ST7: variants seen among roughly 807,000 people sequenced by gnomAD.
The protein encoded by ST7 is suppression of tumorigenicity 7.
In ST7, 28 loss-of-function variants were observed where a neutral mutation model predicts 78.7. The observed-to-expected ratio is 0.36, with a 90% CI of 0.26 to 0.49. The LOEUF is 0.49. Ranked by LOEUF, ST7 falls within the 20% of genes least tolerant of loss-of-function variation. The pLI is 0.99. For missense variants in ST7, 418 were observed against 696.0 expected, an observed-to-expected ratio of 0.60 and a Z score of 4.49; for synonymous variants, 247 against 249.6, an observed-to-expected ratio of 0.99 and a Z score of 0.10.
intron 1 of ST7, among the ~76,000 whole-genome samples, chr7:117,039,426 T>A (rs1405859951): frequency 6.6e-6 from 1 of 151,952 alleles, no homozygotes; most frequent in Non-Finnish European, 1.5e-5. Flanking sequence ...AATAAAAAAT[T>A]AGCTGAGCAT....
intron 1 of ST7, chr7:116,959,503 A>G: frequency 3.4e-6 from 1 of 291,004 alleles, no homozygotes; most frequent in South Asian, 3.3e-5. Flanking sequence ...CACTGGATGA[A>G]TGAATATCCA....
chr7:117,138,385 C>T lies in ST7; in HGVS notation c.866-50C>T, dbSNP rs75961910. On this transcript the variant is annotated intron_variant, in intron 8 of 15. Coordinates refer to ENST00000323984, the MANE Select transcript of ST7 (RefSeq NM_001369598.1). ...CTTTAGGGGCAAGGCAAATGGGCCT[C>T]TGTATTTTTTTTTTTTTTAAATGTT... 1,955 of 1,226,168 alleles carry T rather than the reference C, an allele frequency of 1.6e-3. 72 individuals are homozygous for T. In the East Asian group the frequency reaches 0.048, roughly 30 times the overall value. 76.0% of individuals were successfully genotyped at this position (1,226,168 alleles called of 1,614,324 possible).
chr7:117,108,497 T>G (rs1169321103), intron 2 of ST7, among the ~76,000 whole-genome samples: 4 of 152,214 alleles, frequency 2.6e-5, no homozygotes, highest in Non-Finnish European at 5.9e-5. Context: ...ACTGTGGCCT[T>G]ATAGTATAGT....
chr7:117,157,146 G>A (rs1278501287), intron 9 of ST7, among the ~76,000 whole-genome samples: 1 of 152,182 alleles, frequency 6.6e-6, no homozygotes, highest in African/African-American at 2.4e-5. Context: ...GAGAATGCTG[G>A]CAGGTGCTGG....
At chr7:117,140,598 A>C (rs1805201027) in intron 9 of ST7, among the ~76,000 whole-genome samples, 1 of 152,036 alleles carries the variant, frequency 6.6e-6, no homozygotes, top group Admixed American at 6.6e-5. Context: ...TTTTTCTTGA[A>C]TGAATTGATC....
intron 12 of ST7, among the ~76,000 whole-genome samples, chr7:117,203,966 A>T (rs1036238906): frequency 6.6e-6 from 1 of 152,228 alleles, no homozygotes; most frequent in African/African-American, 2.4e-5. Context: ...AAAGTAACCG[A>T]TGAACAGAGA....
chr7:117,154,998 A>G (rs1806576557), intron 9 of ST7, among the ~76,000 whole-genome samples: 1 of 152,162 alleles, frequency 6.6e-6, no homozygotes, highest in Non-Finnish European at 1.5e-5. Flanking sequence ...GACAGACAAC[A>G]TCCCTACCAG....
At chr7:117,029,932 A>T (rs925100501) in intron 1 of ST7, among the ~76,000 whole-genome samples, 2 of 152,204 alleles carry the variant, frequency 1.3e-5, no homozygotes, top group Admixed American at 6.5e-5. Flanking sequence ...AATTGTTATT[A>T]CTGTATAGCT....
chr7:117,216,201 G>A (rs1792680544), intron 13 of ST7, among the ~76,000 whole-genome samples: 1 of 152,112 alleles, frequency 6.6e-6, no homozygotes, highest in South Asian at 2.1e-4. Flanking sequence ...TGATTGTGAA[G>A]GCATGATCTG....
intron 2 of ST7, among the ~76,000 whole-genome samples, chr7:117,114,545 C>T (rs1802697936): frequency 1.3e-5 from 2 of 152,178 alleles, no homozygotes; most frequent in Non-Finnish European, 2.9e-5. Flanking sequence ...TGTATCTATC[C>T]TCCTGTGACA....
chr7:116,960,135 C>T (rs1428815154), intron 1 of ST7, among the ~76,000 whole-genome samples: 1 of 151,960 alleles, frequency 6.6e-6, no homozygotes, highest in African/African-American at 2.4e-5. Context: ...TGAACTTCCA[C>T]CTCTCTTTTT....
At chr7:117,042,477 G>C (rs553321765) in intron 1 of ST7, among the ~76,000 whole-genome samples, 15 of 152,280 alleles carry the variant, frequency 9.9e-5, no homozygotes, top group African/African-American at 3.6e-4. Context: ...GTCTGGGCTA[G>C]AGTGTACCTT....
At chr7:116,984,103 T>A (rs1794087278) in intron 1 of ST7, among the ~76,000 whole-genome samples, 1 of 137,496 alleles carries the variant, frequency 7.3e-6, no homozygotes, top group Non-Finnish European at 1.5e-5. Flanking sequence ...TTTGCACGTA[T>A]TTATGTCAGC....
At chr7:117,121,950 A>C (rs961169171) in intron 3 of ST7, among the ~76,000 whole-genome samples, 19 of 143,426 alleles carry the variant, frequency 1.3e-4, no homozygotes, top group African/African-American at 4.5e-4. Flanking sequence ...TCAAAGAAAT[A>C]GGATGCTACA....
At chr7:116,970,023 C>T (rs1290398442) in intron 1 of ST7, among the ~76,000 whole-genome samples, 3 of 151,886 alleles carry the variant, frequency 2.0e-5, no homozygotes, top group Admixed American at 6.6e-5. Context: ...TGCAGTGAGC[C>T]GAGATCGCGC....
intron 1 of ST7, among the ~76,000 whole-genome samples, chr7:116,976,337 A>G (rs1793704867): frequency 6.6e-6 from 1 of 152,192 alleles, no homozygotes; most frequent in Non-Finnish European, 1.5e-5. Flanking sequence ...TCATATAGTA[A>G]GTATTTATTT....
chr7:117,033,267 G>T (rs1002026435), intron 1 of ST7, among the ~76,000 whole-genome samples: 15 of 152,102 alleles, frequency 9.9e-5, no homozygotes, highest in African/African-American at 3.6e-4. Flanking sequence ...TGTACAAATG[G>T]CAAATAATGA....
rs932247593 is a variant in ST7, at chr7:117,021,560, G to A, written c.151+67869G>A. On this transcript the variant is annotated intron_variant, in intron 1 of 15. Transcript: ENST00000323984. ...GGAATTTAGGAAACTGATTTCTTACGAACTTGTAATTTGACCTTTGTTTTT... is the reference window on the plus strand; with the variant it reads ...GGAATTTAGGAAACTGATTTCTTACAAACTTGTAATTTGACCTTTGTTTTT... Among the ~76,000 whole-genome samples the A allele has an allele frequency of 4.6e-5, 7 of 152,158 alleles. No homozygotes were observed. In the South Asian group the frequency reaches 6.2e-4, roughly 14 times the overall value.
chr7:117,004,611 A>G (rs1227363040), intron 1 of ST7, among the ~76,000 whole-genome samples: 1 of 152,130 alleles, frequency 6.6e-6, no homozygotes, highest in East Asian at 1.9e-4. Flanking sequence ...CAGTGAGCCT[A>G]GATCACACCA....
Sources: gnomAD v4.1 joint callset for allele counts (sites outside exome capture counted in the v4.1 genomes callset) on GRCh38, gnomAD v4.1.1 for gene constraint, MANE v1.5 for transcripts, NCBI Gene and HGNC (gene_info 2026-07-23, HGNC 2026-07-21) for gene names.